Variants in QTMAN observed in about 807,000 individuals in gnomAD.
QTMAN encodes the protein tRNA-queuosine alpha-mannosyltransferase.
chr2:144,256,636 T>C, the QTMAN span, among the ~76,000 whole-genome samples: 1 of 151,822 alleles, frequency 6.6e-6, no homozygotes. Context: ...CACTCATTAG[T>C]GGGAGTTGAA....
At chr2:144,104,911 T>C in the QTMAN span, among the ~76,000 whole-genome samples, 1 of 152,160 alleles carries the variant, frequency 6.6e-6, no homozygotes, top group African/African-American at 2.4e-5. Context: ...AGACGAAGCT[T>C]CCAGGGGAAC....
At chr2:143,976,501 C>T in the QTMAN span, among the ~76,000 whole-genome samples, 4 of 152,176 alleles carry the variant, frequency 2.6e-5, no homozygotes, top group Non-Finnish European at 5.9e-5. Context: ...CTTCTATTTA[C>T]CACCCTGTCC....
the QTMAN span, among the ~76,000 whole-genome samples, chr2:144,325,861 T>C: frequency 6.6e-6 from 1 of 152,236 alleles, no homozygotes; most frequent in Non-Finnish European, 1.5e-5. Context: ...GCATTTTTAA[T>C]ACGGAGTGTT....
the QTMAN span, among the ~76,000 whole-genome samples, chr2:144,094,798 G>A: frequency 6.6e-6 from 1 of 152,178 alleles, no homozygotes; most frequent in African/African-American, 2.4e-5. Flanking sequence ...CAAATGAACA[G>A]CAAACAGAAT....
chr2:144,222,221 G>A, the QTMAN span, among the ~76,000 whole-genome samples: 6 of 151,136 alleles, frequency 4.0e-5, no homozygotes, highest in South Asian at 2.1e-4. Context: ...CACCACGCCC[G>A]GCTAATTTTT....
chr2:144,219,419 C>T, the QTMAN span, among the ~76,000 whole-genome samples: 1 of 152,174 alleles, frequency 6.6e-6, no homozygotes, highest in East Asian at 1.9e-4. Flanking sequence ...GCGTAAGCCA[C>T]TGTGCCCGGC....
At chr2:144,257,101 AC>A in the QTMAN span, among the ~76,000 whole-genome samples, 4 of 150,684 alleles carry the variant, frequency 2.7e-5, no homozygotes, top group Non-Finnish European at 4.4e-5. Context: ...AAAAAAAAAA[AC>A]CAGAACAAAA....
chr2:144,094,273 TTAACTAATTTGG>T, the QTMAN span, among the ~76,000 whole-genome samples: 1 of 152,186 alleles, frequency 6.6e-6, no homozygotes, highest in Admixed American at 6.5e-5. Flanking sequence ...ACAAATTCAG[TTAACTAATTTGG>T]AATTTCAGAT....
chr2:144,231,367 G>C, the QTMAN span, among the ~76,000 whole-genome samples: 6 of 151,930 alleles, frequency 3.9e-5, no homozygotes, highest in Non-Finnish European at 5.9e-5. Flanking sequence ...ACTTAATATA[G>C]TAAAATCCTA....
the QTMAN span, among the ~76,000 whole-genome samples, chr2:144,224,477 A>G: frequency 6.6e-6 from 1 of 152,204 alleles, no homozygotes; most frequent in Admixed American, 6.5e-5. Context: ...ATTGGAGTAA[A>G]AAGACCAGCA....
the QTMAN span, among the ~76,000 whole-genome samples, chr2:144,298,867 A>G: frequency 3.3e-5 from 5 of 152,170 alleles, no homozygotes. Context: ...TACTCCTCCA[A>G]TTGCAAATAT....
the QTMAN span, among the ~76,000 whole-genome samples, chr2:144,298,560 G>A: frequency 6.6e-6 from 1 of 152,114 alleles, no homozygotes; most frequent in African/African-American, 2.4e-5. Flanking sequence ...CAAAGTACAT[G>A]TAACATTAAA....
At chr2:144,126,647 A>C in the QTMAN span, among the ~76,000 whole-genome samples, 1 of 152,004 alleles carries the variant, frequency 6.6e-6, no homozygotes, top group East Asian at 1.9e-4. Context: ...ACAAAACAAC[A>C]TTGAATAAAA....
At chr2:144,059,806 T>A in the QTMAN span, among the ~76,000 whole-genome samples, 1 of 152,148 alleles carries the variant, frequency 6.6e-6, no homozygotes, top group African/African-American at 2.4e-5. Flanking sequence ...TCTGCTGGAA[T>A]GCTCGTCCCC....
At chr2:144,051,882 C>T in the QTMAN span, among the ~76,000 whole-genome samples, 1 of 152,308 alleles carries the variant, frequency 6.6e-6, no homozygotes, top group Admixed American at 6.5e-5. Context: ...AGCAGTTTTG[C>T]TAAAGTGGAA....
the QTMAN span, chr2:143,952,900 C>T: frequency 9.3e-7 from 1 of 1,079,740 alleles, no homozygotes; most frequent in South Asian, 1.3e-5. Flanking sequence ...ACCATCATAG[C>T]CAGAAAGTGG....
the QTMAN span, among the ~76,000 whole-genome samples, chr2:144,227,041 T>C: frequency 6.6e-6 from 1 of 152,170 alleles, no homozygotes; most frequent in Non-Finnish European, 1.5e-5. Flanking sequence ...TTAAAAAGTA[T>C]AAAGCTGCCC....
At chr2:144,090,322 T>C in the QTMAN span, among the ~76,000 whole-genome samples, 1 of 152,100 alleles carries the variant, frequency 6.6e-6, no homozygotes, top group South Asian at 2.1e-4. Flanking sequence ...AAACGTCTGC[T>C]CTTACTATTT....
chr2:144,184,958 T>C, the QTMAN span, among the ~76,000 whole-genome samples: 1 of 152,164 alleles, frequency 6.6e-6, no homozygotes, highest in Admixed American at 6.6e-5. Context: ...CTTACCACTC[T>C]GAAACTTAGC....
Sources: allele counts gnomAD v4.1 joint callset (sites outside exome capture counted in the v4.1 genomes callset), GRCh38; gene constraint gnomAD v4.1.1; transcripts MANE v1.5; gene names NCBI Gene and HGNC (gene_info 2026-07-23, HGNC 2026-07-21).